The following RAP1GAP2 variants were observed in gnomAD, a reference collection of about 807,000 sequenced individuals.
RAP1GAP2 encodes rap1 GTPase-activating protein 2.
RAP1GAP2 carries 27 observed loss-of-function variants against 95.0 expected under a neutral mutation model. The observed-to-expected ratio is 0.28, with a 90% confidence interval of 0.21 to 0.39. The LOEUF (loss-of-function observed/expected upper bound fraction) is 0.39. RAP1GAP2 is among the 10% of genes least tolerant of loss of function. The pLI, the probability that RAP1GAP2 is intolerant of heterozygous loss-of-function variation, is 1.00. For missense variants in RAP1GAP2, 771 were observed against 970.0 expected (o/e 0.79, Z 2.72); for synonymous variants, 373 against 380.9 (o/e 0.98, Z 0.24).
At chr17:2,977,746 TAAA>T (rs35219186) in intron 8 of RAP1GAP2, among the ~76,000 whole-genome samples, 50 of 76,850 alleles carry the variant, frequency 6.5e-4, no homozygotes, top group East Asian at 3.0e-3. Flanking sequence ...GACTCCGTCT[TAAA>T]AAAAAAAAAA....
Position 2,808,965 on chromosome 17 carries a change from C to T in RAP1GAP2, c.80+8415C>T, listed in dbSNP as rs774160769. On this transcript the variant is annotated intron_variant, in intron 2 of 24. Transcript: ENST00000254695. ...ATGCCTGTTTTGGGATCTGGAGTCTCGGGGCGTGCGTGGCTGCAGGGAGAA... is the reference window on the plus strand; with the variant it reads ...ATGCCTGTTTTGGGATCTGGAGTCTTGGGGCGTGCGTGGCTGCAGGGAGAA... 1.1e-4 allele frequency among the ~76,000 whole-genome samples: 17 copies of T among 152,152 alleles called. No homozygotes were observed. The South Asian group carries it at 1.9e-3, about 17-fold the overall frequency.
intron 2 of RAP1GAP2, among the ~76,000 whole-genome samples, chr17:2,878,881 C>T (rs910781864): frequency 2.6e-5 from 4 of 152,206 alleles, no homozygotes; most frequent in Non-Finnish European, 4.4e-5. Context: ...TGCTGGGCCC[C>T]GGTTTTCTCA....
intron 2 of RAP1GAP2, among the ~76,000 whole-genome samples, chr17:2,861,521 G>A (rs1002221825): frequency 1.3e-5 from 2 of 149,798 alleles, no homozygotes; most frequent in Admixed American, 1.3e-4. Context: ...AGGCTGGAGT[G>A]CAATGGCGTG....
At chr17:2,781,816 CTGTG>C (rs1281336086) in intron 1 of RAP1GAP2, among the ~76,000 whole-genome samples, 1 of 148,496 alleles carries the variant, frequency 6.7e-6, no homozygotes, top group East Asian at 2.0e-4. Flanking sequence ...GTGCACGTCT[CTGTG>C]TGTGCAGGTC....
rs1239689218 is a variant in RAP1GAP2, at chr17:2,963,117, G to T, written c.247-313G>T. On this transcript the variant is annotated intron_variant, in intron 5 of 24. Coordinates refer to ENST00000254695, the MANE Select transcript of RAP1GAP2 (RefSeq NM_015085.5). The surrounding 1 kb of genome is among the most constrained non-coding windows in gnomAD (Gnocchi z 4.8). ...TCAGTCCGCCTGCCTGGAAAGGGGT[G>T]CTGGGGGAGACTAGGGGTCATTTTC... is the stretch of plus-strand genomic sequence containing the variant. 1.1e-5 allele frequency: 6 copies of T among 551,094 alleles called. No individual in the cohort carries two copies. The highest frequency in any genetic ancestry group is 1.9e-5 in the Non-Finnish European group (6 of 309,252). 34.1% of individuals were successfully genotyped at this position (551,094 alleles called of 1,614,324 possible).
intron 3 of RAP1GAP2, among the ~76,000 whole-genome samples, chr17:2,929,201 C>T (rs562118072): frequency 6.6e-6 from 1 of 152,208 alleles, no homozygotes; most frequent in Non-Finnish European, 1.5e-5. Flanking sequence ...CCACTGTACT[C>T]CAGCCTGGGC....
rs570111261 is a variant in RAP1GAP2 at position 2,926,752 on chromosome 17, C to A, written c.165+21384C>A. On this transcript the variant is annotated intron_variant, in intron 3 of 24. Transcript: ENST00000254695. ...GGGCGCGATGGCTCACATCTGTAATCCTAGCACTTTGAGAGGCCGAGGCGG... is the reference window on the plus strand; with the variant it reads ...GGGCGCGATGGCTCACATCTGTAATACTAGCACTTTGAGAGGCCGAGGCGG... 2.0e-5 allele frequency among the ~76,000 whole-genome samples: 3 copies of A among 152,128 alleles called. No individual in the cohort carries two copies. The South Asian group carries it at 6.2e-4, about 32-fold the overall frequency.
intron 11 of RAP1GAP2, among the ~76,000 whole-genome samples, chr17:2,990,527 A>G (rs575291211): frequency 1.3e-5 from 2 of 151,872 alleles, no homozygotes; most frequent in Non-Finnish European, 2.9e-5. Context: ...AGCCTTTGGT[A>G]TATGCCCGGG....
intron 23 of RAP1GAP2, 67 bp downstream of exon 23, chr17:3,031,065 C>T: frequency 7.5e-6 from 11 of 1,463,716 alleles, no homozygotes; most frequent in Non-Finnish European, 1.0e-5. Context: ...TTCCTGAGGC[C>T]AGAGGAAGAG....
At chr17:2,941,108 A>T (rs1050664367) in intron 3 of RAP1GAP2, among the ~76,000 whole-genome samples, 1 of 152,222 alleles carries the variant, frequency 6.6e-6, no homozygotes, top group Non-Finnish European at 1.5e-5. Flanking sequence ...TGATGTTTCA[A>T]AAGACCGCGT....
At chr17:2,815,439 C>A (rs971039118) in intron 2 of RAP1GAP2, among the ~76,000 whole-genome samples, 1 of 149,200 alleles carries the variant, frequency 6.7e-6, no homozygotes, top group Non-Finnish European at 1.5e-5. Context: ...CACATGTAAC[C>A]TGCCTTAACA....
chr17:2,850,416 G>C (rs191859362), intron 2 of RAP1GAP2, among the ~76,000 whole-genome samples: 26 of 152,020 alleles, frequency 1.7e-4, no homozygotes, highest in African/African-American at 6.3e-4. Flanking sequence ...AGTGATAATG[G>C]ATTTTCATTT....
At chr17:2,874,676 T>C (rs1437968790) in intron 2 of RAP1GAP2, among the ~76,000 whole-genome samples, 2 of 152,122 alleles carry the variant, frequency 1.3e-5, no homozygotes, top group African/African-American at 2.4e-5. Flanking sequence ...CGGTAGGTGC[T>C]ACATCACCCA....
chr17:2,949,791 C>T (rs774057039), intron 3 of RAP1GAP2, among the ~76,000 whole-genome samples: 3 of 152,218 alleles, frequency 2.0e-5, no homozygotes, highest in South Asian at 2.1e-4. Flanking sequence ...GCCTGAGTCA[C>T]GCTGCTTCTG....
chr17:2,983,231 C>CT (rs1019911481), intron 10 of RAP1GAP2, among the ~76,000 whole-genome samples: 1 of 142,162 alleles, frequency 7.0e-6, no homozygotes, highest in African/African-American at 2.6e-5. Flanking sequence ...TTTTTTTTTT[C>CT]TTTTTTAAAT....
chr17:2,947,311 G>T (rs1023668037), intron 3 of RAP1GAP2, among the ~76,000 whole-genome samples: 26 of 152,080 alleles, frequency 1.7e-4, no homozygotes, highest in African/African-American at 5.8e-4. Flanking sequence ...TCTGGAGGAC[G>T]GTTCATTATT....
chr17:2,781,640 GTCTCTGTGTGTGC>G (rs2068653647), intron 1 of RAP1GAP2, among the ~76,000 whole-genome samples: 1 of 147,354 alleles, frequency 6.8e-6, no homozygotes, highest in South Asian at 2.2e-4. Context: ...GTGTGAGCAC[GTCTCTGTGTGTGC>G]AGGTCTCTGT....
intron 2 of RAP1GAP2, among the ~76,000 whole-genome samples, chr17:2,894,431 AAAAC>A (rs1235827771): frequency 3.3e-5 from 5 of 152,248 alleles, no homozygotes; most frequent in Non-Finnish European, 5.9e-5. Flanking sequence ...CTCCGTTTCA[AAAAC>A]AAACAAAAAA....
At chr17:2,796,412 C>T (rs540307819), upstream of RAP1GAP2, 37 of 1,194,408 alleles carry the variant, frequency 3.1e-5, 1 homozygote, top group South Asian at 8.1e-5. This position sits in a 1 kb window ranked among gnomAD's most constrained non-coding sequence, Gnocchi z 4.7. Context: ...GGAGGTGCCA[C>T]GCTGGGCTCC....
Sources: allele counts gnomAD v4.1 joint callset (sites outside exome capture counted in the v4.1 genomes callset), GRCh38; gene constraint gnomAD v4.1.1; non-coding constraint Gnocchi (gnomAD v3.1); transcripts MANE v1.5; gene names NCBI Gene and HGNC (gene_info 2026-07-23, HGNC 2026-07-21).